The following SLC2A13 variants were observed in gnomAD, a reference collection of about 807,000 sequenced individuals.
SLC2A13 encodes proton myo-inositol cotransporter.
Under a neutral mutation model 64.4 loss-of-function variants are expected in SLC2A13, and 32 were observed. The ratio of observed to expected loss-of-function variants is 0.50; its 90% CI spans 0.37 to 0.67. The LOEUF (loss-of-function observed/expected upper bound fraction) is 0.67. Among genes scored for constraint, SLC2A13 ranks in the 30% least tolerant of loss-of-function variants. The pLI, the probability that SLC2A13 is intolerant of heterozygous loss-of-function variation, is 0.00. For synonymous variants in SLC2A13, 338 were observed against 327.1 expected (o/e 1.03, Z -0.36); for missense variants, 743 against 829.2 (o/e 0.90, Z 1.28).
intron 7 of SLC2A13, among the ~76,000 whole-genome samples, chr12:39,826,192 A>G (rs1008288502): frequency 6.6e-6 from 1 of 151,884 alleles, no homozygotes. Context: ...GACATTCTCT[A>G]CTTTAGGTTC....
At chr12:40,087,939 T>G (rs1317668173) in intron 1 of SLC2A13, among the ~76,000 whole-genome samples, 1 of 152,186 alleles carries the variant, frequency 6.6e-6, no homozygotes, top group East Asian at 1.9e-4. Context: ...ATTGTAAGTA[T>G]AAATATCCTT....
chr12:40,046,225 A>G (rs1948169368), intron 2 of SLC2A13, among the ~76,000 whole-genome samples: 1 of 152,202 alleles, frequency 6.6e-6, no homozygotes, highest in Non-Finnish European at 1.5e-5. Flanking sequence ...AATCAATGGT[A>G]AAAAACAGAT....
At position 39,760,074 on chromosome 12, in the gene SLC2A13, C is replaced by T; in HGVS notation, c.1899G>A (p.Lys633=). 6.2e-7 allele frequency: 1 copy of T among 1,612,794 alleles called. No homozygotes were observed. The stretch of plus-strand genomic sequence containing the variant: ...TGTCAGAAAGATGATAGTTACTTCC[C>T]TTTACCCGAATATATTCAATATATC... ...EGRYIEYIRV[K]GSNYHLSDND... is the part of the protein sequence containing the mutation. Residue 633 remains lysine (K), a synonymous_variant, in exon 10 of 10, where the codon AAG becomes AAA. Transcript: ENST00000280871.
At chr12:39,934,748 T>C (rs1347556631) in intron 4 of SLC2A13, among the ~76,000 whole-genome samples, 1 of 152,266 alleles carries the variant, frequency 6.6e-6, no homozygotes, top group African/African-American at 2.4e-5. Context: ...TTTCTGGTAC[T>C]GAGTGTTTTT....
chr12:39,939,204 A>G (rs1421763327), intron 4 of SLC2A13, among the ~76,000 whole-genome samples: 1 of 152,018 alleles, frequency 6.6e-6, no homozygotes, highest in Non-Finnish European at 1.5e-5. Context: ...TCCTCTTGAT[A>G]TCGTCCCCAA....
chr12:39,988,518 G>A (rs1443489194), intron 3 of SLC2A13, among the ~76,000 whole-genome samples: 11 of 142,146 alleles, frequency 7.7e-5, no homozygotes, highest in Admixed American at 1.4e-4. Flanking sequence ...AAGAATGAAC[G>A]AAAGAAAGAA....
intron 3 of SLC2A13, among the ~76,000 whole-genome samples, chr12:39,986,396 A>G (rs1315020525): frequency 6.6e-6 from 1 of 152,098 alleles, no homozygotes; most frequent in Non-Finnish European, 1.5e-5. Flanking sequence ...TGAGCTCTCA[A>G]TCTATGAGGT....
intron 3 of SLC2A13, among the ~76,000 whole-genome samples, chr12:39,955,941 G>C (rs544455335): frequency 6.6e-6 from 1 of 152,276 alleles, no homozygotes; most frequent in South Asian, 2.1e-4. Context: ...AATGTCTACT[G>C]CGTTAAGCTA....
intron 2 of SLC2A13, among the ~76,000 whole-genome samples, chr12:40,041,998 T>C (rs1948097219): frequency 1.3e-5 from 2 of 152,242 alleles, no homozygotes; most frequent in Non-Finnish European, 2.9e-5. Flanking sequence ...CATATCCACC[T>C]GTGTCCACCT....
chr12:39,805,144 G>C (rs1941935868), intron 7 of SLC2A13, among the ~76,000 whole-genome samples: 1 of 149,322 alleles, frequency 6.7e-6, no homozygotes, highest in Non-Finnish European at 1.5e-5. Context: ...GGGCAGGCCA[G>C]GCCAGGCCAG....
intron 4 of SLC2A13, among the ~76,000 whole-genome samples, chr12:39,940,174 T>C (rs930876856): frequency 2.0e-5 from 3 of 152,286 alleles, no homozygotes; most frequent in South Asian, 4.1e-4. Flanking sequence ...TCAACAGCTT[T>C]TTGGACTAGG....
At position 39,960,744 on chromosome 12, in the gene SLC2A13, C is replaced by CTTTT. The variant is rs71434303; in HGVS notation, c.926-9383_926-9380dup. On this transcript the variant is annotated intron_variant, in intron 3 of 9. Transcript: ENST00000280871. ...GTGAAAAATGGTTTCCTGTCTCATT[C>CTTTT]TTTTTTTTTTTTTTTTTTTTCAAGA... 4.7e-3 allele frequency among the ~76,000 whole-genome samples: 509 copies of CTTTT among 108,826 alleles called. 16 individuals carry two copies. The highest frequency in any genetic ancestry group is 7.3e-3 in the South Asian group (23 of 3,146). 71.4% of individuals were successfully genotyped at this position (108,826 alleles called of 152,430 possible). A position where few individuals can be genotyped will look rare whatever the true frequency, so the allele number is the denominator to read the frequency against.
chr12:39,893,536 G>A (rs947379338), intron 4 of SLC2A13, among the ~76,000 whole-genome samples: 2 of 152,308 alleles, frequency 1.3e-5, no homozygotes, highest in Middle Eastern at 3.4e-3. Flanking sequence ...CTGACCTCAG[G>A]TGATCTGCCC....
chr12:40,020,964 G>C (rs1194050785), intron 3 of SLC2A13, among the ~76,000 whole-genome samples: 2 of 151,192 alleles, frequency 1.3e-5, no homozygotes, highest in Non-Finnish European at 2.9e-5. Context: ...ATACAGAGCA[G>C]TAAAATATAG....
At chr12:39,903,348 AC>A (rs1393855006) in intron 4 of SLC2A13, among the ~76,000 whole-genome samples, 1 of 152,126 alleles carries the variant, frequency 6.6e-6, no homozygotes, top group East Asian at 1.9e-4. Flanking sequence ...CAAAAGGTGT[AC>A]AAACATTGAA....
chr12:39,839,383 C>T (rs951913331), intron 6 of SLC2A13, among the ~76,000 whole-genome samples: 3 of 152,002 alleles, frequency 2.0e-5, no homozygotes, highest in African/African-American at 4.8e-5. Context: ...ATCTTAGACA[C>T]GTGAGTAAAT....
At chr12:40,075,089 G>A (rs1369751399) in intron 1 of SLC2A13, among the ~76,000 whole-genome samples, 2 of 152,064 alleles carry the variant, frequency 1.3e-5, no homozygotes, top group Non-Finnish European at 1.5e-5. Flanking sequence ...GAGTACTCTG[G>A]CATACTTCAA....
intron 4 of SLC2A13, among the ~76,000 whole-genome samples, chr12:39,895,876 AT>A (rs1944795067): frequency 1.0e-5 from 1 of 100,464 alleles, no homozygotes; most frequent in African/African-American, 3.9e-5. Flanking sequence ...GCACACACAT[AT>A]GTATATGCGT....
chr12:39,789,061 AATG>A (rs1006499725), intron 7 of SLC2A13, among the ~76,000 whole-genome samples: 1 of 152,168 alleles, frequency 6.6e-6, no homozygotes, highest in African/African-American at 2.4e-5. Context: ...CACTTTAAAG[AATG>A]ATAATAAGAT....
Sources: gnomAD v4.1 joint callset for allele counts (sites outside exome capture counted in the v4.1 genomes callset) on GRCh38, gnomAD v4.1.1 for gene constraint, MANE v1.5 for transcripts, NCBI Gene and HGNC (gene_info 2026-07-23, HGNC 2026-07-21) for gene names.